CLUAP1: variants seen among roughly 807,000 people sequenced by gnomAD.
CLUAP1 encodes clusterin-associated protein 1.
Under a neutral mutation model 55.0 loss-of-function variants are expected in CLUAP1, and 50 were observed. That is an observed-to-expected ratio of 0.91 (90% confidence interval 0.72 to 1.15). The LOEUF (loss-of-function observed/expected upper bound fraction) is 1.15. CLUAP1 is among the 50% of genes most tolerant of loss of function. CLUAP1 has a pLI of 0.00. For missense variants in CLUAP1, 530 were observed against 507.6 expected, an observed-to-expected ratio of 1.04 and a Z score of -0.42; for synonymous variants, 195 against 175.4, an observed-to-expected ratio of 1.11 and a Z score of -0.88.
At chr16:3,524,596 CAAAAAAAAAA>C (rs755040158) in intron 8 of CLUAP1, among the ~76,000 whole-genome samples, 3 of 34,288 alleles carry the variant, frequency 8.7e-5, no homozygotes, top group East Asian at 1.7e-3. Context: ...GACACCATCT[CAAAAAAAAAA>C]AAAAAAAAAA....
At position 3,515,577 on chromosome 16, in the gene CLUAP1, A is replaced by G. The variant is rs2037714598; in HGVS notation, c.565A>G (p.Ile189Val). The change falls in exon 6 of 12, where the codon ATA (isoleucine) becomes GTA (valine). Residue 189 changes from isoleucine (I) to valine (V), a missense_variant. Physicochemically the swap from Ile to Val is conservative, Grantham distance 29. Coordinates refer to ENST00000576634, the MANE Select transcript of CLUAP1 (RefSeq NM_015041.3). ...NETEKVMRIA[I>V]KEILTQVQKT... The stretch of plus-strand genomic sequence containing the variant: ...GACTGAAAAAGTGATGAGAATTGCA[A>G]TAAAAGAGATTTTGGTAAGATGACT... The G allele has an allele frequency of 3.1e-6, 5 of 1,591,298 alleles. No individual in the cohort carries two copies. The highest frequency in any genetic ancestry group is 3.8e-5 in the Admixed American group (2 of 52,798).
intron 1 of CLUAP1, among the ~76,000 whole-genome samples, chr16:3,501,818 A>G (rs59253802): frequency 0.013 from 1,937 of 151,904 alleles, 46 homozygotes; most frequent in African/African-American, 0.045. Context: ...AACGAAACCG[A>G]GGAGAGGAGG....
intron 8 of CLUAP1, among the ~76,000 whole-genome samples, chr16:3,524,173 ACACCTG>A (rs1274135291): frequency 1.3e-5 from 2 of 151,940 alleles, no homozygotes; most frequent in Non-Finnish European, 2.9e-5. Flanking sequence ...ATGGTGTTAC[ACACCTG>A]TTGTCTCAGC....
chr16:3,496,760 T>G (rs1449328979), upstream of CLUAP1: 11 of 483,802 alleles, frequency 2.3e-5, no homozygotes, highest in Non-Finnish European at 4.5e-5. Context: ...CAGCCGAGGC[T>G]ACAAAAACGA....
chr16:3,528,087 C>T (rs544367238), intron 9 of CLUAP1, among the ~76,000 whole-genome samples: 3 of 152,288 alleles, frequency 2.0e-5, no homozygotes, highest in Non-Finnish European at 2.9e-5. Context: ...GAAAACCCAC[C>T]GACCCTGTGG....
Position 3,536,222 on chromosome 16 carries a change from G to A in CLUAP1, c.1193G>A (p.Arg398Gln), listed in dbSNP as rs753872535. ...TCTCTCTCACCAACCAAGCCCAATC[G>A]AAGGGTCCGGAAATCTGAACCCCTG... is the stretch of plus-strand genomic sequence containing the variant. The part of the protein sequence containing the change: ...SISLSPTKPN[R>Q]RVRKSEPLDE... Residue 398 changes from arginine (R) to glutamine (Q), a missense_variant, in exon 12 of 12, where the codon CGA (arginine) becomes CAA (glutamine). Arg to Gln is a conservative substitution (Grantham distance 43). Transcript: ENST00000576634. 8.7e-6 allele frequency: 14 copies of A among 1,614,030 alleles called. No homozygotes were observed. The highest frequency in any genetic ancestry group is 7.6e-6 in the Non-Finnish European group (9 of 1,180,042).
chr16:3,520,143 C>CG (rs2037806322), intron 7 of CLUAP1, 107 bp downstream of exon 7: 2 of 1,148,264 alleles, frequency 1.7e-6, no homozygotes, highest in African/African-American at 1.6e-5. Flanking sequence ...GAAGCTGGGG[C>CG]GGGGGGTTCT....
chr16:3,523,283 A>G lies in CLUAP1; in HGVS notation c.839A>G (p.Glu280Gly). 1 of 1,612,574 alleles carries G rather than the reference A, an allele frequency of 6.2e-7. No individual in the cohort carries two copies. The highest frequency in any genetic ancestry group is 2.2e-5 in the East Asian group (1 of 44,786). ...EQQLEDHHRM[E>G]QERFEEAKNT... Reference sequence around the variant, plus strand: ...CAGCTTGAAGACCATCATAGGATGGAGCAAGAAAGGTTTGAGGTGAGCTGA... The same window carrying G: ...CAGCTTGAAGACCATCATAGGATGGGGCAAGAAAGGTTTGAGGTGAGCTGA... The change falls in exon 8 of 12, where the codon GAG becomes GGG. Residue 280 changes from glutamate (E) to glycine (G), a missense_variant. Physicochemically the swap from Glu to Gly is moderately conservative, Grantham distance 98 (BLOSUM62 -2). Transcript: ENST00000576634.
rs773994015 is a variant in CLUAP1, at chr16:3,504,752, C to T, written c.55C>T (p.Pro19Ser). 8.1e-6 allele frequency: 13 copies of T among 1,611,914 alleles called. No individual in the cohort carries two copies. Among genetic ancestry groups the T allele is most frequent in the Non-Finnish European group, 1.1e-5 (13 of 1,178,014 alleles). ...AGAGATGATGAGAGCCCTGGGATAC[C>T]CTCGACATATTTCTATGGAAAATTT... ...FTEMMRALGYPRHISMENFRT... is the reference protein window; with the variant it reads ...FTEMMRALGYSRHISMENFRT... Residue 19 changes from proline to serine, a missense_variant, in exon 2 of 12, where the codon CCT becomes TCT. Coordinates refer to ENST00000576634, the MANE Select transcript of CLUAP1 (RefSeq NM_015041.3).
At chr16:3,525,625 G>C (rs2037927566) in intron 8 of CLUAP1, among the ~76,000 whole-genome samples, 1 of 152,054 alleles carries the variant, frequency 6.6e-6, no homozygotes, top group South Asian at 2.1e-4. Flanking sequence ...AGGGCAGGGT[G>C]TGATTATAAC....
At position 3,533,062 on chromosome 16, in the gene CLUAP1, G is replaced by C. The variant is rs760001457; in HGVS notation, c.1092+221G>C. 9.4e-5 allele frequency: 144 copies of C among 1,524,236 alleles called. 1 individual carries two copies. The Middle Eastern group carries it at 1.3e-3, about 14-fold the overall frequency. 94.4% of individuals were successfully genotyped at this position (1,524,236 alleles called of 1,614,324 possible). On this transcript the variant is annotated intron_variant, in intron 11 of 11. Coordinates refer to ENST00000576634, the MANE Select transcript of CLUAP1 (RefSeq NM_015041.3). The stretch of plus-strand genomic sequence containing the variant: ...TGAATGTGCTTGCTCTGCTTTTTTT[G>C]CCTTCTCACTGTTCTTTCCATTCTC...
chr16:3,500,366 A>ATTT (rs35022426), upstream of CLUAP1, among the ~76,000 whole-genome samples: 4 of 115,542 alleles, frequency 3.5e-5, no homozygotes, highest in African/African-American at 6.8e-5. Flanking sequence ...AGTATAGTGC[A>ATTT]TTTTTTTTTT....
intron 8 of CLUAP1, among the ~76,000 whole-genome samples, chr16:3,524,596 C>CAAAAAAAAAA (rs755040158): frequency 5.8e-5 from 2 of 34,282 alleles, no homozygotes; most frequent in Non-Finnish European, 1.4e-4. Flanking sequence ...GACACCATCT[C>CAAAAAAAAAA]AAAAAAAAAA....
intron 4 of CLUAP1, among the ~76,000 whole-genome samples, chr16:3,509,398 C>T (rs148449084): frequency 0.017 from 2,556 of 152,300 alleles, 36 homozygotes; most frequent in Middle Eastern, 0.034. Context: ...GGGATCCAAG[C>T]GGAACCTTCT....
intron 9 of CLUAP1, among the ~76,000 whole-genome samples, chr16:3,528,967 C>G (rs1275027192): frequency 6.6e-6 from 1 of 152,044 alleles, no homozygotes. Context: ...GCTGCTGTAA[C>G]AGAATACCTG....
chr16:3,496,406 C>A, upstream of CLUAP1: 2 of 1,046,082 alleles, frequency 1.9e-6, no homozygotes, highest in Admixed American at 1.8e-5. Context: ...CCGGATGATC[C>A]GGAAGATGAA....
intron 5 of CLUAP1, among the ~76,000 whole-genome samples, chr16:3,515,194 TAA>T (rs56325117): frequency 3.5e-5 from 5 of 141,288 alleles, no homozygotes; most frequent in Non-Finnish European, 3.1e-5. Flanking sequence ...TATCTCTATT[TAA>T]AAAAAAAAAA....
intron 8 of CLUAP1, among the ~76,000 whole-genome samples, chr16:3,523,537 C>G (rs1395947879): frequency 1.3e-5 from 2 of 152,218 alleles, no homozygotes; most frequent in African/African-American, 4.8e-5. Context: ...AGAGAACAGA[C>G]AGGGCCGACA....
chr16:3,526,034 C>T (rs2037934493), intron 8 of CLUAP1, among the ~76,000 whole-genome samples: 1 of 152,128 alleles, frequency 6.6e-6, no homozygotes, highest in African/African-American at 2.4e-5. Context: ...TACTTTCTTC[C>T]TTTGAAAGCA....
Sources: gnomAD v4.1 joint callset for allele counts (sites outside exome capture counted in the v4.1 genomes callset) on GRCh38, gnomAD v4.1.1 for gene constraint, MANE v1.5 for transcripts, NCBI Gene and HGNC (gene_info 2026-07-23, HGNC 2026-07-21) for gene names.